The following DHRS7B variants were observed in gnomAD, a reference collection of about 807,000 sequenced individuals.
DHRS7B encodes dehydrogenase/reductase 7B.
Under a neutral mutation model 26.4 loss-of-function variants are expected in DHRS7B, and 24 were observed. The observed-to-expected ratio is 0.91, with a 90% CI of 0.66 to 1.28. The LOEUF is 1.28. Ranked by LOEUF, DHRS7B falls within the 50% of genes most tolerant of loss-of-function variation. The probability of loss-of-function intolerance (pLI) is 0.00; values close to 1 mark genes in which losing one functional copy is unlikely to be tolerated. For synonymous variants in DHRS7B, 142 were observed against 166.4 expected, an observed-to-expected ratio of 0.85 and a Z score of 1.13; for missense variants, 368 against 419.4, an observed-to-expected ratio of 0.88 and a Z score of 1.07.
chr17:21,188,836 A>T lies in DHRS7B; in HGVS notation c.745A>T (p.Ile249Phe). Reference protein sequence around the residue: ...YIHTNLSVNAITADGSRYGVM... With the variant: ...YIHTNLSVNAFTADGSRYGVM... ...CCACACCAACCTCTCTGTAAATGCC[A>T]TCACCGCGGATGGATCTAGGTATGG... The change falls in exon 6 of 7, where the codon ATC (isoleucine) becomes TTC (phenylalanine). Residue 249 changes from isoleucine (I) to phenylalanine (F), a missense_variant. Coordinates refer to ENST00000395511, the MANE Select transcript of DHRS7B (RefSeq NM_015510.5). 1 of 1,614,190 alleles carries T rather than the reference A, an allele frequency of 6.2e-7. No homozygotes were observed. The highest frequency in any genetic ancestry group is 8.5e-7 in the Non-Finnish European group (1 of 1,180,020).
chr17:21,149,266 C>A (rs1044788795), intron 1 of DHRS7B, among the ~76,000 whole-genome samples: 34 of 152,044 alleles, frequency 2.2e-4, no homozygotes, highest in African/African-American at 7.2e-4. Context: ...GCAAAATTGT[C>A]CTTCAAATAT....
At chr17:21,155,365 A>T (rs370251295) in intron 1 of DHRS7B, among the ~76,000 whole-genome samples, 3 of 152,242 alleles carry the variant, frequency 2.0e-5, no homozygotes, top group Admixed American at 2.0e-4. Flanking sequence ...AGAGTAGACT[A>T]CAGAGCAAGG....
chr17:21,147,084 A>G (rs1163407081), intron 1 of DHRS7B, among the ~76,000 whole-genome samples: 1 of 152,172 alleles, frequency 6.6e-6, no homozygotes, highest in East Asian at 1.9e-4. Context: ...TGTCTATTTT[A>G]TCAAGATTTT....
At chr17:21,143,539 T>G (rs979727434) in intron 1 of DHRS7B, among the ~76,000 whole-genome samples, 3 of 152,196 alleles carry the variant, frequency 2.0e-5, no homozygotes, top group African/African-American at 7.2e-5. Flanking sequence ...TTCAAAGGAA[T>G]GAAGGATTGT....
chr17:21,158,939 T>G (rs1258246044), intron 1 of DHRS7B, among the ~76,000 whole-genome samples: 1 of 150,256 alleles, frequency 6.7e-6, no homozygotes, highest in African/African-American at 2.5e-5. Flanking sequence ...TTCAGCAGAT[T>G]GAAACACTAT....
rs1266901647 is a variant in DHRS7B, at chr17:21,191,288, G to T, written c.*135G>T. The T allele has an allele frequency of 1.1e-6, 1 of 887,316 alleles. No homozygotes were observed. The highest frequency in any genetic ancestry group is 3.5e-4 in the Middle Eastern group (1 of 2,846). The allele number at this position is 887,316 out of a possible 1,614,324, so 55.0% of individuals were successfully genotyped here. ...GGGAAAGACTGAAGAAACACATCTC[G>T]TGCAGATCTGCTGGCAGAGGACAAT... On this transcript the variant is annotated 3_prime_UTR_variant, in exon 7 of 7. Coordinates refer to ENST00000395511, the MANE Select transcript of DHRS7B (RefSeq NM_015510.5).
At chr17:21,158,778 C>CT (rs574007663) in intron 1 of DHRS7B, among the ~76,000 whole-genome samples, 132 of 152,178 alleles carry the variant, frequency 8.7e-4, no homozygotes, top group African/African-American at 2.8e-3. Flanking sequence ...CTGACGCTAC[C>CT]TGACTCCAAG....
chr17:21,135,499 A>G (rs919330890), intron 1 of DHRS7B, among the ~76,000 whole-genome samples: 4 of 152,234 alleles, frequency 2.6e-5, no homozygotes, highest in African/African-American at 9.6e-5. Context: ...TAAGTCATCC[A>G]TTTAACCAAA....
intron 1 of DHRS7B, among the ~76,000 whole-genome samples, chr17:21,169,052 C>T (rs956434428): frequency 3.9e-5 from 6 of 152,132 alleles, no homozygotes; most frequent in African/African-American, 1.2e-4. Flanking sequence ...GGTGTGAAGA[C>T]GGGGTTGAGG....
chr17:21,134,167 G>A, intron 1 of DHRS7B, among the ~76,000 whole-genome samples: 1 of 152,186 alleles, frequency 6.6e-6, no homozygotes. Flanking sequence ...GTTTACTATA[G>A]TTTTGAAACA....
intron 1 of DHRS7B, among the ~76,000 whole-genome samples, chr17:21,153,521 C>A (rs1232328929): frequency 4.6e-5 from 7 of 152,090 alleles, no homozygotes; most frequent in African/African-American, 1.4e-4. Flanking sequence ...ATCTCAGACA[C>A]CAAATCGCAG....
chr17:21,159,262 T>C (rs1017904613), intron 1 of DHRS7B, among the ~76,000 whole-genome samples: 1 of 151,620 alleles, frequency 6.6e-6, no homozygotes, highest in African/African-American at 2.4e-5. Flanking sequence ...TTTTTTTTTT[T>C]TTAAAGACGG....
intron 1 of DHRS7B, among the ~76,000 whole-genome samples, chr17:21,129,040 C>T (rs1398168423): frequency 1.3e-5 from 2 of 152,152 alleles, no homozygotes; most frequent in Admixed American, 6.5e-5. Context: ...ACTTATTGAA[C>T]GTTTACAGTG....
At position 21,132,347 on chromosome 17, in the gene DHRS7B, AAAT is replaced by A. The variant is rs1441682843; in HGVS notation, c.20+5358_20+5360del. Among the ~76,000 whole-genome samples, 638 of 131,242 alleles carry A rather than the reference AAAT, an allele frequency of 4.9e-3. 6 individuals are homozygous for A. The highest frequency in any genetic ancestry group is 0.018 in the African/African-American group (541 of 30,786). The allele number at this position is 131,242 out of a possible 152,430, so 86.1% of individuals were successfully genotyped here. A position where few individuals can be genotyped will look rare whatever the true frequency, so the allele number is the denominator to read the frequency against. On this transcript the variant is annotated intron_variant, in intron 1 of 6. Coordinates refer to ENST00000395511, the MANE Select transcript of DHRS7B (RefSeq NM_015510.5). ...GAGACCCCATCTCTTAAAAAAAAAA[AAAT>A]ATATATATATATAGATAGATAGATA...
At chr17:21,169,894 C>T (rs1030237290) in intron 1 of DHRS7B, among the ~76,000 whole-genome samples, 10 of 152,040 alleles carry the variant, frequency 6.6e-5, no homozygotes, top group Non-Finnish European at 1.2e-4. Flanking sequence ...CAAGCTCATC[C>T]TGGGCAGTGG....
At chr17:21,166,578 T>C (rs902816522) in intron 1 of DHRS7B, 16 of 575,154 alleles carry the variant, frequency 2.8e-5, no homozygotes, top group Non-Finnish European at 3.3e-5. Context: ...GCCTTTACTT[T>C]CTGAAAATGA....
At chr17:21,130,751 A>G (rs981289595) in intron 1 of DHRS7B, among the ~76,000 whole-genome samples, 3 of 152,206 alleles carry the variant, frequency 2.0e-5, no homozygotes, top group African/African-American at 7.2e-5. Context: ...GGACTAGAGC[A>G]ACATCCATAA....
At chr17:21,189,388 C>T (rs575831691) in intron 6 of DHRS7B, among the ~76,000 whole-genome samples, 11 of 152,198 alleles carry the variant, frequency 7.2e-5, no homozygotes, top group East Asian at 1.9e-4. Flanking sequence ...TCACCACTCG[C>T]GGGCAGAGCA....
At chr17:21,169,016 G>GT (rs1329640963) in intron 1 of DHRS7B, 1 of 721,050 alleles carries the variant, frequency 1.4e-6, no homozygotes, top group Non-Finnish European at 1.7e-6. Context: ...TGCTGGGCTG[G>GT]TTTATTTTCA....
Sources: allele counts gnomAD v4.1 joint callset (sites outside exome capture counted in the v4.1 genomes callset), GRCh38; gene constraint gnomAD v4.1.1; transcripts MANE v1.5; gene names NCBI Gene and HGNC (gene_info 2026-07-23, HGNC 2026-07-21).